Variants in PCDHGB1 observed in about 807,000 individuals in gnomAD.
PCDHGB1 encodes protocadherin gamma subfamily B, 1.
Under a neutral mutation model 56.6 loss-of-function variants are expected in PCDHGB1, and 34 were observed. The observed-to-expected ratio is 0.60, with a 90% CI of 0.46 to 0.80. The LOEUF is 0.80. PCDHGB1 is among the 30% of genes least tolerant of loss of function. The probability of loss-of-function intolerance (pLI) is 0.00; values close to 1 mark genes in which losing one functional copy is unlikely to be tolerated. For missense variants in PCDHGB1, 1,278 were observed against 1,204.6 expected (o/e 1.06, Z -0.90); for synonymous variants, 561 against 505.9 (o/e 1.11, Z -1.46).
chr5:141,436,840 C>T (rs1195342311), intron 1 of PCDHGB1, among the ~76,000 whole-genome samples: 1 of 152,220 alleles, frequency 6.6e-6, no homozygotes, highest in Admixed American at 6.5e-5. Flanking sequence ...TGCCTAGGCA[C>T]ATTCTTGATT....
chr5:141,476,453 G>C lies in PCDHGB1; in HGVS notation c.2410-18354G>C. On this transcript the variant is annotated intron_variant, in intron 1 of 3. Coordinates refer to ENST00000523390, the MANE Select transcript of PCDHGB1 (RefSeq NM_018922.3). This position sits in a 1 kb window ranked among gnomAD's most constrained non-coding sequence, Gnocchi z 7.6. The stretch of plus-strand genomic sequence containing the variant: ...CACTGTAACTCTGGAGTTGGTAGTG[G>C]AGAACCCGCTGGAGCTGTTCAGCGT... 2 of 1,614,138 alleles carry C rather than the reference G, an allele frequency of 1.2e-6. No homozygotes were observed. Among genetic ancestry groups the C allele is most frequent in the Non-Finnish European group, 1.7e-6 (2 of 1,180,022 alleles).
At chr5:141,366,340 C>T in intron 1 of PCDHGB1, 1 of 1,613,934 alleles carries the variant, frequency 6.2e-7, no homozygotes, top group Non-Finnish European at 8.5e-7. Context: ...GGATCCCTGA[C>T]ATCCTGGCTG....
intron 1 of PCDHGB1, chr5:141,417,615 A>G (rs908930043): frequency 3.2e-6 from 2 of 629,140 alleles, no homozygotes; most frequent in Non-Finnish European, 5.1e-6. Flanking sequence ...CGGCCAGTGC[A>G]GAGCAAGCGC....
chr5:141,414,310 G>C, intron 1 of PCDHGB1: 1 of 1,613,722 alleles, frequency 6.2e-7, no homozygotes, highest in Non-Finnish European at 8.5e-7. Context: ...GCATGATTTA[G>C]ACTCTGAGCA....
chr5:141,489,080 C>CCCA lies in PCDHGB1; in HGVS notation c.2410-5727_2410-5726insCCA. On this transcript the variant is annotated intron_variant, in intron 1 of 3. Coordinates refer to ENST00000523390, the MANE Select transcript of PCDHGB1 (RefSeq NM_018922.3). This position sits in a 1 kb window ranked among gnomAD's most constrained non-coding sequence, Gnocchi z 4.5. ...TCCCCTCCCCCCTGCCCACCCCCGC[C>CCCA]ACTCGGTGACTAAGAACTGCTGCAA... 3.0e-6 allele frequency: 1 copy of CCCA among 336,172 alleles called. No individual in the cohort carries two copies. The highest frequency in any genetic ancestry group is 5.5e-5 in the East Asian group (1 of 18,342). 20.8% of individuals were successfully genotyped at this position (336,172 alleles called of 1,614,324 possible).
chr5:141,415,740 GTTTTTTTTTTTT>G lies in PCDHGB1; in HGVS notation c.2409+63092_2409+63103del, dbSNP rs57426385. ...TGAGTAGAATTTGATGTTTATTAAGGTTTTTTTTTTTTTTTTTTTTTTTTTTTTTTTTACTTT... is the reference window on the plus strand; with the variant it reads ...TGAGTAGAATTTGATGTTTATTAAGGTTTTTTTTTTTTTTTTTTTTACTTT... On this transcript the variant is annotated intron_variant, in intron 1 of 3. Transcript: ENST00000523390. The G allele has an allele frequency of 5.3e-4, 329 of 624,896 alleles. 2 individuals are homozygous for G. Among genetic ancestry groups the G allele is most frequent in the African/African-American group, 1.2e-3 (49 of 39,888 alleles). The allele number at this position is 624,896 out of a possible 1,614,324, so 38.7% of individuals were successfully genotyped here.
At chr5:141,445,213 A>C (rs775782586) in intron 1 of PCDHGB1, among the ~76,000 whole-genome samples, 1 of 152,226 alleles carries the variant, frequency 6.6e-6, no homozygotes, top group Non-Finnish European at 1.5e-5. Context: ...TTGAAAAGTA[A>C]GAGGTGCAAA....
rs752071139 is a variant in PCDHGB1 at position 141,422,722 on chromosome 5, G to A, written c.2409+70053G>A. ...CTCTCTGACGGATGACACTGTCCAG[G>A]GGGTGCCTCTGTCCTCCTATGTCTC... On this transcript the variant is annotated intron_variant, in intron 1 of 3. Coordinates refer to ENST00000523390, the MANE Select transcript of PCDHGB1 (RefSeq NM_018922.3). The A allele has an allele frequency of 2.4e-5, 39 of 1,605,774 alleles. No homozygotes were observed. In the South Asian group the frequency reaches 4.0e-4, roughly 17 times the overall value.
intron 3 of PCDHGB1, 125 bp downstream of exon 3, chr5:141,505,606 C>G: frequency 6.5e-7 from 1 of 1,528,642 alleles, no homozygotes; most frequent in Non-Finnish European, 8.8e-7. Flanking sequence ...TTCGGCAGGT[C>G]TGAAAGGACC....
chr5:141,472,850 G>A (rs1230517294), intron 1 of PCDHGB1, among the ~76,000 whole-genome samples: 1 of 151,876 alleles, frequency 6.6e-6, no homozygotes, highest in Admixed American at 6.6e-5. Flanking sequence ...GCTGGGCATG[G>A]TGGCACATGC....
chr5:141,435,409 G>A (rs1387678336), intron 1 of PCDHGB1, among the ~76,000 whole-genome samples: 1 of 152,066 alleles, frequency 6.6e-6, no homozygotes, highest in African/African-American at 2.4e-5. Context: ...AAATGGTAAA[G>A]ACTATTTTTC....
At chr5:141,371,332 A>T (rs1481476869) in intron 1 of PCDHGB1, 1 of 1,613,988 alleles carries the variant, frequency 6.2e-7, no homozygotes, top group South Asian at 1.1e-5. Flanking sequence ...GAAGAGAGAG[A>T]TAGCTACACA....
intron 1 of PCDHGB1, among the ~76,000 whole-genome samples, chr5:141,453,490 G>A (rs921556476): frequency 6.6e-6 from 1 of 151,922 alleles, no homozygotes; most frequent in Admixed American, 6.6e-5. Flanking sequence ...TTAAAAAAAG[G>A]TGTACTCAGA....
intron 1 of PCDHGB1, chr5:141,418,609 C>G: frequency 6.2e-7 from 1 of 1,614,026 alleles, no homozygotes. Flanking sequence ...ACAGGGTTAG[C>G]CTTCGGGAAG....
Position 141,480,177 on chromosome 5 carries a change from G to T in PCDHGB1, c.2410-14630G>T, listed in dbSNP as rs570721769. 4.6e-5 allele frequency among the ~76,000 whole-genome samples: 7 copies of T among 152,066 alleles called. No homozygotes were observed. In the South Asian group the frequency reaches 6.3e-4, roughly 14 times the overall value. ...CTAGCATTTTGGGAGGCTGAGGCAGGCGGATTGCTTGAGGCCAGCAGTTCA... is the reference window on the plus strand; with the variant it reads ...CTAGCATTTTGGGAGGCTGAGGCAGTCGGATTGCTTGAGGCCAGCAGTTCA... On this transcript the variant is annotated intron_variant, in intron 1 of 3. Coordinates refer to ENST00000523390, the MANE Select transcript of PCDHGB1 (RefSeq NM_018922.3).
intron 1 of PCDHGB1, among the ~76,000 whole-genome samples, chr5:141,460,912 G>GTGTATA (rs145509489): frequency 0.032 from 4,842 of 149,286 alleles, 90 homozygotes; most frequent in Middle Eastern, 0.083. Flanking sequence ...ATTCCATGGT[G>GTGTATA]TATATATATA....
intron 1 of PCDHGB1, chr5:141,416,482 A>G (rs1009921478): frequency 6.6e-6 from 1 of 152,210 alleles, no homozygotes; most frequent in East Asian, 1.9e-4. Context: ...TGTTCCCGAG[A>G]ACAGGAGCAA....
chr5:141,350,964 A>G lies in PCDHGB1; in HGVS notation c.704A>G (p.Asn235Ser). The change falls in exon 1 of 4, where the codon AAT becomes AGT. Residue 235 changes from asparagine (N) to serine (S), a missense_variant. Transcript: ENST00000523390. ...IWIRVTDAND[N>S]APVFSQEVYR... ...ATCCGAGTTACGGATGCCAATGATA[A>G]TGCTCCCGTGTTTAGCCAGGAGGTA... The G allele has an allele frequency of 6.2e-7, 1 of 1,614,088 alleles. No homozygotes were observed. The highest frequency in any genetic ancestry group is 1.1e-5 in the South Asian group (1 of 91,090).
At chr5:141,442,158 A>T (rs966591795) in intron 1 of PCDHGB1, 1 of 157,594 alleles carries the variant, frequency 6.3e-6, no homozygotes, top group African/African-American at 2.4e-5. Context: ...CTCAGCGATC[A>T]CTCTGCAAAG....
Sources: gnomAD v4.1 joint callset for allele counts (sites outside exome capture counted in the v4.1 genomes callset) on GRCh38, gnomAD v4.1.1 for gene constraint, Gnocchi (gnomAD v3.1) non-coding constraint, MANE v1.5 for transcripts, NCBI Gene and HGNC (gene_info 2026-07-23, HGNC 2026-07-21) for gene names.